TBC1D9B: variants seen among roughly 807,000 people sequenced by gnomAD.
The protein encoded by TBC1D9B is TBC1 domain family member 9B.
TBC1D9B carries 87 observed loss-of-function variants against 121.1 expected under a neutral mutation model. That is an observed-to-expected ratio of 0.72 (90% CI 0.60 to 0.86). TBC1D9B has a LOEUF of 0.86. Among genes scored for constraint, TBC1D9B ranks in the 40% least tolerant of loss-of-function variants. The pLI is 0.00. For synonymous variants in TBC1D9B, 668 were observed against 670.1 expected (o/e 1.00, Z 0.05); for missense variants, 1,540 against 1,628.6 (o/e 0.95, Z 0.94).
chr5:179,889,256 C>T (rs1416312903), intron 6 of TBC1D9B, among the ~76,000 whole-genome samples: 1 of 152,088 alleles, frequency 6.6e-6, no homozygotes, highest in Admixed American at 6.5e-5. Flanking sequence ...TCTCGATCTC[C>T]TGACCTCGTG....
At chr5:179,906,019 A>AC (rs1008519106) in intron 1 of TBC1D9B, among the ~76,000 whole-genome samples, 5 of 152,196 alleles carry the variant, frequency 3.3e-5, no homozygotes, top group African/African-American at 1.2e-4. Flanking sequence ...AGCTGGGATA[A>AC]CAGGCGCGTG....
intron 18 of TBC1D9B, 184 bp downstream of exon 18, chr5:179,867,594 C>T: frequency 9.3e-6 from 14 of 1,507,474 alleles, no homozygotes; most frequent in Non-Finnish European, 1.3e-5. Flanking sequence ...AGGACATCCA[C>T]AGGGGGCGGC....
chr5:179,896,430 A>G (rs1761019232), intron 3 of TBC1D9B, among the ~76,000 whole-genome samples: 2 of 152,278 alleles, frequency 1.3e-5, no homozygotes, highest in Non-Finnish European at 1.5e-5. Flanking sequence ...GCCTAGCCAA[A>G]CTGGTGTTCT....
chr5:179,900,913 G>A (rs1045305603), intron 2 of TBC1D9B, among the ~76,000 whole-genome samples: 1 of 152,146 alleles, frequency 6.6e-6, no homozygotes, highest in Admixed American at 6.5e-5. Context: ...TCCCTGACCA[G>A]GCTCTTCTGC....
intron 7 of TBC1D9B, among the ~76,000 whole-genome samples, chr5:179,883,255 C>A (rs577840249): frequency 6.6e-6 from 1 of 152,274 alleles, no homozygotes; most frequent in East Asian, 1.9e-4. Flanking sequence ...TTCAATGTGT[C>A]CTTCCACTAT....
At chr5:179,867,932 A>G in intron 17 of TBC1D9B, 83 bp from the exon 18 acceptor site, 2 of 1,364,158 alleles carry the variant, frequency 1.5e-6, no homozygotes, top group South Asian at 1.8e-5. Flanking sequence ...CCCTGGGCAG[A>G]GCCTTGCTTT....
intron 4 of TBC1D9B, 68 bp from the exon 5 acceptor site, chr5:179,893,535 G>T: frequency 1.3e-6 from 2 of 1,539,260 alleles, no homozygotes; most frequent in Non-Finnish European, 1.8e-6. Flanking sequence ...ATGCCCATCT[G>T]TACCCCAGAC....
chr5:179,868,044 G>A, intron 17 of TBC1D9B, 195 bp from the exon 18 acceptor site: 1 of 438,096 alleles, frequency 2.3e-6, no homozygotes, highest in East Asian at 3.4e-5. Context: ...ACTTTCCTCA[G>A]CTTTTTTTTT....
chr5:179,886,072 T>C (rs1760675645), intron 7 of TBC1D9B, among the ~76,000 whole-genome samples: 1 of 152,128 alleles, frequency 6.6e-6, no homozygotes, highest in African/African-American at 2.4e-5. Flanking sequence ...TTCTTTCGAG[T>C]TTCTCCTCCA....
chr5:179,873,818 G>A (rs1463543592), intron 12 of TBC1D9B, among the ~76,000 whole-genome samples: 1 of 152,040 alleles, frequency 6.6e-6, no homozygotes, highest in Non-Finnish European at 1.5e-5. Flanking sequence ...GTGGGAGGAG[G>A]TAGCTGACTC....
At chr5:179,881,591 A>G (rs1760541251) in intron 7 of TBC1D9B, among the ~76,000 whole-genome samples, 1 of 152,212 alleles carries the variant, frequency 6.6e-6, no homozygotes, top group East Asian at 1.9e-4. Context: ...TTAAACTTCA[A>G]TTAAAATTCT....
At chr5:179,881,814 G>A (rs918177456) in intron 7 of TBC1D9B, among the ~76,000 whole-genome samples, 1 of 151,982 alleles carries the variant, frequency 6.6e-6, no homozygotes, top group Non-Finnish European at 1.5e-5. Context: ...AAGCAATATT[G>A]AAATTAGCTA....
intron 2 of TBC1D9B, among the ~76,000 whole-genome samples, chr5:179,900,870 G>A (rs1761147436): frequency 6.6e-6 from 1 of 152,118 alleles, no homozygotes; most frequent in Non-Finnish European, 1.5e-5. Flanking sequence ...AGACGTCTCT[G>A]CTGGCACGCC....
At chr5:179,871,384 A>C in intron 15 of TBC1D9B, 78 bp downstream of exon 15, 1 of 1,395,018 alleles carries the variant, frequency 7.2e-7, no homozygotes, top group Non-Finnish European at 1.0e-6. Flanking sequence ...TTCTAAGAGG[A>C]TACTCTTAGA....
chr5:179,904,659 G>T lies in TBC1D9B; in HGVS notation c.229+43C>A, dbSNP rs1189500306. ...CTTCCTCTCGGCAACGGCCCTTCCAGGGCAGGCCCTGCCCAGCACCCCTCA... is the reference window on the plus strand; with the variant it reads ...CTTCCTCTCGGCAACGGCCCTTCCATGGCAGGCCCTGCCCAGCACCCCTCA... On this transcript the variant is annotated intron_variant, in intron 2 of 20. Transcript: ENST00000355235. The surrounding 1 kb of genome is among the most constrained non-coding windows in gnomAD (Gnocchi z 4.2). 6.6e-7 allele frequency: 1 copy of T among 1,523,616 alleles called. No individual in the cohort carries two copies. 94.4% of individuals were successfully genotyped at this position (1,523,616 alleles called of 1,614,324 possible).
intron 2 of TBC1D9B, among the ~76,000 whole-genome samples, chr5:179,901,740 CCTGG>C (rs561203620): frequency 6.0e-4 from 91 of 152,280 alleles, no homozygotes; most frequent in South Asian, 8.3e-4. Context: ...GGCACTCCAG[CCTGG>C]GCAACAGAAA....
At chr5:179,892,783 A>G (rs1760902231) in intron 5 of TBC1D9B, among the ~76,000 whole-genome samples, 1 of 152,174 alleles carries the variant, frequency 6.6e-6, no homozygotes, top group African/African-American at 2.4e-5. Context: ...CGTGCACTTG[A>G]GCCCAGATTT....
chr5:179,877,492 G>A (rs1210946181), intron 10 of TBC1D9B, among the ~76,000 whole-genome samples: 4 of 151,692 alleles, frequency 2.6e-5, no homozygotes, highest in Non-Finnish European at 5.9e-5. Context: ...GCGAGACCCC[G>A]TCTCTACTAA....
rs1196788168 is a variant in TBC1D9B, at chr5:179,870,323, C to A, written c.2657G>T (p.Arg886Leu). The change falls in exon 16 of 21, where the codon CGC (arginine) becomes CTC (leucine). Residue 886 changes from arginine (R) to leucine (L), a missense_variant. Physicochemically the swap from Arg to Leu is moderately radical, Grantham distance 102 (BLOSUM62 -2). Transcript: ENST00000355235. Reference sequence around the variant, plus strand: ...GTTTTCGTCCAGGAGCCTGAACATGCGCCCTGCCAGCAGAGGTGTGTGGGA... The same window carrying A: ...GTTTTCGTCCAGGAGCCTGAACATGAGCCCTGCCAGCAGAGGTGTGTGGGA... ...CGSHTPLLAG[R>L]MFRLLDENKD... 1 of 1,613,876 alleles carries A rather than the reference C, an allele frequency of 6.2e-7. No homozygotes were observed. Among genetic ancestry groups the A allele is most frequent in the East Asian group, 2.2e-5 (1 of 44,882 alleles).
Sources: allele counts gnomAD v4.1 joint callset (sites outside exome capture counted in the v4.1 genomes callset), GRCh38; gene constraint gnomAD v4.1.1; non-coding constraint Gnocchi (gnomAD v3.1); transcripts MANE v1.5; gene names NCBI Gene and HGNC (gene_info 2026-07-23, HGNC 2026-07-21).